Variants in FOCAD observed in about 807,000 individuals in gnomAD.
The protein encoded by FOCAD is KIAA1797.
A neutral mutation model predicts 225.6 loss-of-function variants in FOCAD; 198 were observed. The observed-to-expected ratio is 0.88, with a 90% CI of 0.78 to 0.99. The LOEUF (loss-of-function observed/expected upper bound fraction) is 0.99. FOCAD is among the 50% of genes least tolerant of loss of function. The pLI is 0.00. For synonymous variants in FOCAD, 897 were observed against 755.0 expected, an observed-to-expected ratio of 1.19 and a Z score of -3.08; for missense variants, 2,713 against 2,123.6, an observed-to-expected ratio of 1.28 and a Z score of -5.46.
At chr9:20,795,353 G>C (rs1250087819) in intron 11 of FOCAD, among the ~76,000 whole-genome samples, 1 of 152,172 alleles carries the variant, frequency 6.6e-6, no homozygotes, top group Non-Finnish European at 1.5e-5. Flanking sequence ...CAATTACTGT[G>C]AATGAATTAC....
In FOCAD at chr9:20,926,409, T is replaced by G. The variant is rs1216974667; in HGVS notation, c.3070T>G (p.Phe1024Val). ...YQPRGQLLSWFYYKSYSGENT... is the reference protein window; with the variant it reads ...YQPRGQLLSWVYYKSYSGENT... Reference sequence around the variant, plus strand: ...ACCCAGAGGGCAACTTCTCTCCTGGTTTTATTATGTAAGTGCAAAAAATAA... The same window carrying G: ...ACCCAGAGGGCAACTTCTCTCCTGGGTTTATTATGTAAGTGCAAAAAATAA... The change falls in exon 26 of 44, where the codon TTT (phenylalanine) becomes GTT (valine). Residue 1024 changes from phenylalanine (F) to valine (V), a missense_variant. Transcript: ENST00000338382. The G allele has an allele frequency of 6.3e-7, 1 of 1,587,676 alleles. No individual in the cohort carries two copies. The highest frequency in any genetic ancestry group is 8.6e-7 in the Non-Finnish European group (1 of 1,156,212).
intron 4 of FOCAD, among the ~76,000 whole-genome samples, chr9:20,722,134 C>A (rs980851696): frequency 2.0e-5 from 3 of 150,346 alleles, no homozygotes; most frequent in Non-Finnish European, 3.0e-5. Context: ...CCTCAAACTA[C>A]TGGGCTCAAG....
intron 21 of FOCAD, among the ~76,000 whole-genome samples, chr9:20,904,809 A>G (rs1832823958): frequency 6.6e-6 from 1 of 151,948 alleles, no homozygotes; most frequent in African/African-American, 2.4e-5. Flanking sequence ...TGTTGATTGG[A>G]TTTTTTTCAA....
intron 15 of FOCAD, among the ~76,000 whole-genome samples, chr9:20,831,949 A>G (rs1383394414): frequency 6.6e-6 from 1 of 152,024 alleles, no homozygotes; most frequent in East Asian, 1.9e-4. Flanking sequence ...GAGTCATACA[A>G]TATATTGCCC....
chr9:20,919,085 C>G (rs567466445), intron 24 of FOCAD, among the ~76,000 whole-genome samples: 2 of 152,314 alleles, frequency 1.3e-5, no homozygotes, highest in African/African-American at 4.8e-5. Context: ...AGCCCAAAAT[C>G]TCCTCAAGCT....
At chr9:20,925,790 A>C (rs1431093140) in intron 25 of FOCAD, among the ~76,000 whole-genome samples, 1 of 152,062 alleles carries the variant, frequency 6.6e-6, no homozygotes, top group Non-Finnish European at 1.5e-5. Flanking sequence ...TTTTCTACCT[A>C]ATCTTTCAGT....
chr9:20,933,673 A>G (rs540162437), intron 28 of FOCAD, among the ~76,000 whole-genome samples: 8 of 152,206 alleles, frequency 5.3e-5, no homozygotes, highest in Non-Finnish European at 1.0e-4. Context: ...GCTGCTATAA[A>G]CATGCATGTG....
chr9:20,747,578 C>G (rs1004313583), intron 5 of FOCAD, among the ~76,000 whole-genome samples: 1 of 152,020 alleles, frequency 6.6e-6, no homozygotes. Flanking sequence ...ACCTCATACC[C>G]GTTATCAGTC....
intron 15 of FOCAD, among the ~76,000 whole-genome samples, chr9:20,839,846 A>T (rs1370204577): frequency 1.3e-5 from 2 of 152,006 alleles, no homozygotes; most frequent in African/African-American, 4.8e-5. Context: ...ATATGCTAAG[A>T]GATAAGGGTC....
At chr9:20,965,133 G>T (rs1273385600) in intron 35 of FOCAD, among the ~76,000 whole-genome samples, 1 of 152,146 alleles carries the variant, frequency 6.6e-6, no homozygotes, top group East Asian at 1.9e-4. Context: ...TGAGGGCATG[G>T]TACTCTTTTA....
intron 1 of FOCAD, among the ~76,000 whole-genome samples, chr9:20,690,895 G>T (rs1347405020): frequency 6.8e-6 from 1 of 146,844 alleles, no homozygotes; most frequent in Admixed American, 6.8e-5. Context: ...CCTCTCAGTT[G>T]ACCTGTCAGC....
intron 11 of FOCAD, among the ~76,000 whole-genome samples, chr9:20,799,705 T>C (rs1198737233): frequency 1.3e-5 from 2 of 152,176 alleles, no homozygotes; most frequent in East Asian, 3.9e-4. Context: ...GCTTGGTAGA[T>C]CTTCCTCCAT....
At chr9:20,773,985 C>G (rs1183496989) in intron 8 of FOCAD, among the ~76,000 whole-genome samples, 1 of 152,178 alleles carries the variant, frequency 6.6e-6, no homozygotes, top group Non-Finnish European at 1.5e-5. Flanking sequence ...TGCCTAAACT[C>G]CATCTCCTGT....
At chr9:20,714,681 T>C (rs1358117680) in intron 1 of FOCAD, among the ~76,000 whole-genome samples, 6 of 151,136 alleles carry the variant, frequency 4.0e-5, no homozygotes, top group African/African-American at 1.5e-4. Context: ...CCTTCCTTCC[T>C]TCCTTCCTTC....
At chr9:20,958,421 G>A (rs1838397015) in intron 35 of FOCAD, among the ~76,000 whole-genome samples, 1 of 151,654 alleles carries the variant, frequency 6.6e-6, no homozygotes, top group Non-Finnish European at 1.5e-5. Flanking sequence ...TTTAATTGAT[G>A]AATAATTATA....
intron 16 of FOCAD, 118 bp downstream of exon 16, chr9:20,862,830 T>C: frequency 1.7e-6 from 2 of 1,182,260 alleles, no homozygotes; most frequent in Non-Finnish European, 2.3e-6. Flanking sequence ...TCTGAGACCA[T>C]GTTGATATGT....
chr9:20,991,313 T>C (rs763712582), intron 42 of FOCAD, among the ~76,000 whole-genome samples: 5 of 152,356 alleles, frequency 3.3e-5, no homozygotes, highest in South Asian at 2.1e-4. Context: ...ACTGGATTTT[T>C]ATGAAGTTGA....
At chr9:20,837,223 A>G (rs1587356472) in intron 15 of FOCAD, among the ~76,000 whole-genome samples, 1 of 152,072 alleles carries the variant, frequency 6.6e-6, no homozygotes, top group Admixed American at 6.6e-5. Context: ...AATCAAAATC[A>G]TGGTCTCTGA....
In FOCAD at chr9:20,950,990, T is replaced by A; in HGVS notation, c.3949-6T>A. 6.2e-7 allele frequency: 1 copy of A among 1,610,680 alleles called. No homozygotes were observed. Among genetic ancestry groups the A allele is most frequent in the Non-Finnish European group, 8.5e-7 (1 of 1,177,028 alleles). ...CATCATTGAACTGTTACCTTTTTAT[T>A]TGTAGGTCATTAGTGTCTCTGGGGT... On this transcript the variant is annotated splice_polypyrimidine_tract_variant and splice_region_variant and intron_variant, in intron 33 of 43. Transcript: ENST00000338382.
Sources: gnomAD v4.1 joint callset for allele counts (sites outside exome capture counted in the v4.1 genomes callset) on GRCh38, gnomAD v4.1.1 for gene constraint, MANE v1.5 for transcripts, NCBI Gene and HGNC (gene_info 2026-07-23, HGNC 2026-07-21) for gene names.